The following NEGR1 variants were observed in gnomAD, a reference collection of about 807,000 sequenced individuals.
NEGR1 encodes the protein IgLON family member 4.
In NEGR1, 10 loss-of-function variants were observed where a neutral mutation model predicts 40.9. The ratio of observed to expected loss-of-function variants is 0.24; its 90% confidence interval spans 0.15 to 0.42. The LOEUF is 0.42. NEGR1 is among the 10% of genes least tolerant of loss of function. NEGR1 has a pLI of 1.00. For synonymous variants in NEGR1, 185 were observed against 166.8 expected, an observed-to-expected ratio of 1.11 and a Z score of -0.84; for missense variants, 352 against 438.9, an observed-to-expected ratio of 0.80 and a Z score of 1.77.
chr1:71,928,127 C>CACACATATGTATATAT (rs1553122122), intron 2 of NEGR1, among the ~76,000 whole-genome samples: 127 of 4,264 alleles, frequency 0.03, 51 homozygotes, highest in East Asian at 0.053. Context: ...TGTATATATA[C>CACACATATGTATATAT]ACACATATGT....
chr1:72,216,428 TAC>T lies in NEGR1; in HGVS notation c.176+65889_176+65890del, dbSNP rs1373495157. 4.1e-5 allele frequency among the ~76,000 whole-genome samples: 6 copies of T among 147,332 alleles called. No individual in the cohort carries two copies. The South Asian group carries it at 1.3e-3, about 31-fold the overall frequency. On this transcript the variant is annotated intron_variant, in intron 1 of 6. Transcript: ENST00000357731. ...ATATATATATATATGTATATCTATA[TAC>T]ACACATATATATATATGTAGCTAGT...
Position 71,402,285 on chromosome 1 carries a change from A to G in NEGR1, c.*5161T>C, listed in dbSNP as rs1287499020. ...AAGTGTTGAGAAAGCCACAATAGCA[A>G]CACTTGCAAAAGTGCTCCATTGTAA... is the stretch of plus-strand genomic sequence containing the variant. On this transcript the variant is annotated 3_prime_UTR_variant, in exon 7 of 7. Transcript: ENST00000357731. 1 of 152,188 alleles carries G rather than the reference A, an allele frequency of 6.6e-6. No homozygotes were observed. The highest frequency in any genetic ancestry group is 2.4e-5 in the African/African-American group (1 of 41,452). The allele number at this position is 152,188 out of a possible 1,614,324, so 9.4% of individuals were successfully genotyped here. A position where few individuals can be genotyped will look rare whatever the true frequency, so the allele number is the denominator to read the frequency against.
chr1:71,436,152 T>C (rs1218104457), intron 6 of NEGR1, among the ~76,000 whole-genome samples: 2 of 151,574 alleles, frequency 1.3e-5, no homozygotes, highest in African/African-American at 2.4e-5. Flanking sequence ...GGAAACAGTG[T>C]CCAGATGTTG....
At chr1:71,747,145 G>A (rs569644785) in intron 3 of NEGR1, among the ~76,000 whole-genome samples, 1 of 151,880 alleles carries the variant, frequency 6.6e-6, no homozygotes, top group Non-Finnish European at 1.5e-5. Flanking sequence ...ATATAAAGGG[G>A]CAATTGACTT....
At chr1:71,708,667 A>T (rs548596002) in intron 3 of NEGR1, among the ~76,000 whole-genome samples, 1 of 152,210 alleles carries the variant, frequency 6.6e-6, no homozygotes, top group African/African-American at 2.4e-5. Context: ...GTAAACATGT[A>T]TCATGGTAGT....
chr1:72,072,470 G>C (rs1056976336), intron 1 of NEGR1, among the ~76,000 whole-genome samples: 2 of 152,104 alleles, frequency 1.3e-5, no homozygotes, highest in African/African-American at 4.8e-5. Flanking sequence ...TACAAATAAA[G>C]TTTATTTGCA....
intron 2 of NEGR1, among the ~76,000 whole-genome samples, chr1:71,849,251 C>G (rs1659524917): frequency 6.6e-6 from 1 of 152,132 alleles, no homozygotes. Flanking sequence ...AAGGTCAAAA[C>G]ATCAACATTA....
At chr1:72,027,927 T>G (rs910879604) in intron 1 of NEGR1, among the ~76,000 whole-genome samples, 2 of 152,220 alleles carry the variant, frequency 1.3e-5, no homozygotes, top group South Asian at 4.1e-4. Flanking sequence ...GTATGCACAT[T>G]AAGCTTTGAG....
At chr1:71,600,940 G>C (rs11209800) in intron 5 of NEGR1, among the ~76,000 whole-genome samples, 1 of 152,008 alleles carries the variant, frequency 6.6e-6, no homozygotes, top group Non-Finnish European at 1.5e-5. Flanking sequence ...ACTGAGCGTG[G>C]TCCCTCCCTA....
intron 2 of NEGR1, among the ~76,000 whole-genome samples, chr1:71,803,877 T>C (rs761306284): frequency 7.9e-5 from 12 of 152,194 alleles, no homozygotes; most frequent in Non-Finnish European, 1.6e-4. Flanking sequence ...GTGCCTAGAA[T>C]AGATTCTGTC....
intron 1 of NEGR1, among the ~76,000 whole-genome samples, chr1:72,052,879 A>G (rs182390618): frequency 1.7e-3 from 255 of 151,506 alleles, no homozygotes; most frequent in African/African-American, 5.9e-3. Context: ...CCTTGATTCC[A>G]TTAGATTCTC....
intron 2 of NEGR1, among the ~76,000 whole-genome samples, chr1:71,848,361 T>C (rs564974354): frequency 6.6e-6 from 1 of 152,300 alleles, no homozygotes; most frequent in South Asian, 2.1e-4. Flanking sequence ...AGGATATTCA[T>C]AGCTAGAGAG....
At chr1:71,651,672 A>G (rs1651722807) in intron 4 of NEGR1, among the ~76,000 whole-genome samples, 2 of 152,082 alleles carry the variant, frequency 1.3e-5, no homozygotes, top group Admixed American at 6.6e-5. Flanking sequence ...GGCATTTATC[A>G]TATTCTATCC....
At chr1:71,896,606 A>G (rs977270957) in intron 2 of NEGR1, among the ~76,000 whole-genome samples, 1 of 152,192 alleles carries the variant, frequency 6.6e-6, no homozygotes, top group African/African-American at 2.4e-5. Context: ...TCAAATCTAA[A>G]AAACCATTGC....
intron 6 of NEGR1, among the ~76,000 whole-genome samples, chr1:71,457,740 C>G (rs1479053787): frequency 1.3e-5 from 2 of 152,138 alleles, no homozygotes; most frequent in Non-Finnish European, 1.5e-5. Flanking sequence ...GAGTCTTGCT[C>G]TGTCGCCCAG....
intron 6 of NEGR1, chr1:71,461,769 T>TATAA (rs1017948202): frequency 1.3e-5 from 2 of 152,164 alleles, no homozygotes; most frequent in African/African-American, 4.8e-5. Flanking sequence ...GGAGAGGAAG[T>TATAA]ATAAATGAAT....
At chr1:71,841,191 C>T (rs946363100) in intron 2 of NEGR1, among the ~76,000 whole-genome samples, 15 of 152,068 alleles carry the variant, frequency 9.9e-5, no homozygotes, top group Non-Finnish European at 2.1e-4. Context: ...ATGAAGAATC[C>T]TATGAGAAGA....
At chr1:71,943,806 T>C (rs1645994120) in intron 1 of NEGR1, among the ~76,000 whole-genome samples, 2 of 152,170 alleles carry the variant, frequency 1.3e-5, no homozygotes, top group South Asian at 4.1e-4. Flanking sequence ...GGCATGGAAA[T>C]ATTTTTTAAA....
At chr1:71,851,471 C>T (rs547586684) in intron 2 of NEGR1, among the ~76,000 whole-genome samples, 4 of 152,128 alleles carry the variant, frequency 2.6e-5, no homozygotes, top group Non-Finnish European at 5.9e-5. Context: ...ATAGCACAAT[C>T]GTTGTATTAG....
Sources: gnomAD v4.1 joint callset for allele counts (sites outside exome capture counted in the v4.1 genomes callset) on GRCh38, gnomAD v4.1.1 for gene constraint, MANE v1.5 for transcripts, NCBI Gene and HGNC (gene_info 2026-07-23, HGNC 2026-07-21) for gene names.